Variants in THSD4 observed in about 807,000 individuals in gnomAD.
The protein encoded by THSD4 is thrombospondin type 1 domain containing 4, also known as thrombospondin type-1 domain-containing protein 4.
A neutral mutation model predicts 119.0 loss-of-function variants in THSD4; 69 were observed. The observed-to-expected ratio is 0.58, with a 90% CI of 0.48 to 0.71. THSD4 has a LOEUF of 0.71. Among genes scored for constraint, THSD4 ranks in the 30% least tolerant of loss-of-function variants. The pLI is 0.00. For missense variants in THSD4, 1,393 were observed against 1,391.1 expected (o/e 1.00, Z -0.02); for synonymous variants, 524 against 540.4 (o/e 0.97, Z 0.42).
intron 8 of THSD4, among the ~76,000 whole-genome samples, chr15:71,682,966 T>G (rs4777438): frequency 0.16 from 20,737 of 128,508 alleles, 2,986 homozygotes; most frequent in African/African-American, 0.32. Flanking sequence ...CTTTGCCCAG[T>G]CTGGAGTGCA....
intron 7 of THSD4, among the ~76,000 whole-genome samples, chr15:71,608,732 T>G (rs377116937): frequency 7.2e-5 from 11 of 152,218 alleles, no homozygotes; most frequent in African/African-American, 2.7e-4. Flanking sequence ...CTGTTTCTAC[T>G]GCCAGCATCT....
intron 17 of THSD4, 145 bp downstream of exon 17, chr15:71,771,353 T>C (rs2053820423): frequency 9.0e-7 from 1 of 1,105,790 alleles, no homozygotes; most frequent in Non-Finnish European, 1.3e-6. Context: ...GTGCTTTTGG[T>C]ATTATAAATT....
chr15:71,439,487 A>G (rs2047059816), intron 7 of THSD4, among the ~76,000 whole-genome samples: 1 of 152,176 alleles, frequency 6.6e-6, no homozygotes. Context: ...AACTAGAAAT[A>G]CCATTTCACC....
chr15:71,746,844 C>T lies in THSD4; in HGVS notation c.2043C>T (p.Asp681=), dbSNP rs763391376. 2 of 1,613,832 alleles carry T rather than the reference C, an allele frequency of 1.2e-6. No individual in the cohort carries two copies. The highest frequency in any genetic ancestry group is 2.2e-5 in the South Asian group (2 of 91,088). The part of the protein sequence containing the change: ...CNIFPCPAFW[D]IGEWSECSKT... The stretch of plus-strand genomic sequence containing the variant: ...TCTCTCATTCCTGAACCAGCTGGGA[C>T]ATCGGGGAGTGGTCTGAGTGCAGCA... Residue 681 remains aspartate (D), a synonymous_variant, in exon 13 of 18, where the codon GAC becomes GAT. Coordinates refer to ENST00000261862, the MANE Select transcript of THSD4 (RefSeq NM_024817.3).
chr15:71,291,928 T>TG (rs2044797605), intron 6 of THSD4, among the ~76,000 whole-genome samples: 2 of 152,150 alleles, frequency 1.3e-5, no homozygotes, highest in South Asian at 4.1e-4. Flanking sequence ...TCCTCTATTG[T>TG]GGTGGCCCCT....
chr15:71,772,571 A>C (rs762569038), intron 17 of THSD4, among the ~76,000 whole-genome samples: 14 of 152,234 alleles, frequency 9.2e-5, no homozygotes, highest in Non-Finnish European at 1.8e-4. Flanking sequence ...CGTATGTGCC[A>C]TATATTGGAA....
chr15:71,368,340 T>C (rs1478530572), intron 6 of THSD4, among the ~76,000 whole-genome samples: 1 of 152,260 alleles, frequency 6.6e-6, no homozygotes, highest in East Asian at 1.9e-4. Flanking sequence ...TTTGGTGTTT[T>C]AGACATGAAG....
intron 7 of THSD4, among the ~76,000 whole-genome samples, chr15:71,607,961 C>T (rs2140904730): frequency 6.6e-6 from 1 of 152,236 alleles, no homozygotes; most frequent in Non-Finnish European, 1.5e-5. Flanking sequence ...GGGTGGCTTA[C>T]ACCTGTAATC....
At chr15:71,234,489 A>G (rs2044087385) in intron 4 of THSD4, among the ~76,000 whole-genome samples, 1 of 152,112 alleles carries the variant, frequency 6.6e-6, no homozygotes, top group South Asian at 2.1e-4. Context: ...TATTTTTAGT[A>G]GAGATGGGGT....
At chr15:71,315,914 T>A (rs1050278837) in intron 6 of THSD4, among the ~76,000 whole-genome samples, 5 of 152,180 alleles carry the variant, frequency 3.3e-5, no homozygotes, top group African/African-American at 1.2e-4. Context: ...ATCTACTGAT[T>A]AATAACAAAT....
intron 8 of THSD4, among the ~76,000 whole-genome samples, chr15:71,700,612 A>G (rs1399240369): frequency 6.6e-6 from 1 of 152,120 alleles, no homozygotes; most frequent in Non-Finnish European, 1.5e-5. Context: ...AAGAGTAGCC[A>G]AAAGCTTTTG....
At chr15:71,170,547 A>G (rs2043348583) in intron 3 of THSD4, among the ~76,000 whole-genome samples, 1 of 152,236 alleles carries the variant, frequency 6.6e-6, no homozygotes, top group African/African-American at 2.4e-5. Flanking sequence ...CAGTAATGAA[A>G]TGATTAATCT....
intron 6 of THSD4, among the ~76,000 whole-genome samples, chr15:71,321,973 A>G (rs1428396581): frequency 6.6e-6 from 1 of 152,082 alleles, no homozygotes; most frequent in Non-Finnish European, 1.5e-5. Context: ...ACAATCAAAG[A>G]CCATTAGAAC....
chr15:71,313,711 C>G (rs549057156), intron 6 of THSD4, among the ~76,000 whole-genome samples: 18 of 152,216 alleles, frequency 1.2e-4, no homozygotes, highest in African/African-American at 4.3e-4. Context: ...TCATTTTTTA[C>G]TTTTTGATTT....
chr15:71,411,504 GAC>G (rs2046686393), intron 6 of THSD4, among the ~76,000 whole-genome samples, 181 bp from the exon 7 acceptor site: 1 of 152,172 alleles, frequency 6.6e-6, no homozygotes, highest in South Asian at 2.1e-4. Flanking sequence ...GTTGCGGTTG[GAC>G]ACACAACCTT....
At chr15:71,581,466 G>A (rs907555955) in intron 7 of THSD4, among the ~76,000 whole-genome samples, 1 of 152,050 alleles carries the variant, frequency 6.6e-6, no homozygotes, top group African/African-American at 2.4e-5. Context: ...GCAAATATTA[G>A]CTTCTATTCC....
chr15:71,543,303 AT>A (rs979914461), intron 7 of THSD4, among the ~76,000 whole-genome samples: 8 of 152,184 alleles, frequency 5.3e-5, no homozygotes, highest in Non-Finnish European at 1.0e-4. Flanking sequence ...TTGGAGTCAC[AT>A]TTTAGAAGAT....
At chr15:71,328,914 C>T (rs1281044035) in intron 6 of THSD4, among the ~76,000 whole-genome samples, 2 of 152,186 alleles carry the variant, frequency 1.3e-5, no homozygotes, top group African/African-American at 2.4e-5. Context: ...TGCTGGGCCT[C>T]AGTTTCCTGA....
chr15:71,459,160 CTTTT>C (rs372209662), intron 7 of THSD4, among the ~76,000 whole-genome samples: 6 of 128,882 alleles, frequency 4.7e-5, no homozygotes, highest in Admixed American at 8.1e-5. Flanking sequence ...TTCTTTTTTT[CTTTT>C]TTTTTTTTTT....
Sources: allele counts gnomAD v4.1 joint callset (sites outside exome capture counted in the v4.1 genomes callset), GRCh38; gene constraint gnomAD v4.1.1; transcripts MANE v1.5; gene names NCBI Gene and HGNC (gene_info 2026-07-23, HGNC 2026-07-21).